Variants in TIAM2 observed in about 807,000 individuals in gnomAD.
The protein encoded by TIAM2 is TIAM Rac1 associated GEF 2.
In TIAM2, 80 loss-of-function variants were observed where a neutral mutation model predicts 152.9. The observed-to-expected ratio is 0.52, with a 90% confidence interval of 0.44 to 0.63. The LOEUF (loss-of-function observed/expected upper bound fraction) is 0.63. Ranked by LOEUF, TIAM2 falls within the 30% of genes least tolerant of loss-of-function variation. TIAM2 has a pLI of 0.00. For synonymous variants in TIAM2, 804 were observed against 838.0 expected (o/e 0.96, Z 0.70); for missense variants, 1,965 against 2,120.1 (o/e 0.93, Z 1.44).
At chr6:155,076,771 C>T (rs1212004920) in intron 1 of TIAM2, among the ~76,000 whole-genome samples, 1 of 152,196 alleles carries the variant, frequency 6.6e-6, no homozygotes, top group East Asian at 1.9e-4. Context: ...TTGTGGCTCA[C>T]TGCAACCTCC....
chr6:155,200,721 G>A (rs2115185358), intron 14 of TIAM2, among the ~76,000 whole-genome samples: 1 of 152,164 alleles, frequency 6.6e-6, no homozygotes, highest in Non-Finnish European at 1.5e-5. Flanking sequence ...TGGCCAATGT[G>A]GTGAAACCCT....
chr6:155,235,411 C>T (rs1782703336), intron 15 of TIAM2, among the ~76,000 whole-genome samples: 1 of 152,192 alleles, frequency 6.6e-6, no homozygotes, highest in South Asian at 2.1e-4. Flanking sequence ...CTCATCTGTG[C>T]TTTTCAGGCC....
intron 2 of TIAM2, among the ~76,000 whole-genome samples, chr6:155,121,584 G>A (rs1224667585): frequency 6.6e-6 from 1 of 152,138 alleles, no homozygotes; most frequent in African/African-American, 2.4e-5. Flanking sequence ...GGTTAAAGCT[G>A]TCCCCGACCC....
At chr6:155,042,874 C>T (rs574703735) in intron 1 of TIAM2, among the ~76,000 whole-genome samples, 9 of 152,192 alleles carry the variant, frequency 5.9e-5, no homozygotes, top group South Asian at 2.1e-4. Context: ...TTACTCCTCC[C>T]GTCTAATTGG....
chr6:155,187,469 C>T (rs1188005774), intron 14 of TIAM2, among the ~76,000 whole-genome samples: 1 of 151,774 alleles, frequency 6.6e-6, no homozygotes, highest in African/African-American at 2.4e-5. Context: ...GCCCAAGACT[C>T]ACCTGCTGAG....
In TIAM2 at chr6:155,000,752, A is replaced by G. The variant is rs1426247156; in HGVS notation, c.-209+5260A>G. 9.9e-5 allele frequency among the ~76,000 whole-genome samples: 15 copies of G among 152,276 alleles called. No individual in the cohort carries two copies. The South Asian group carries it at 3.1e-3, about 32-fold the overall frequency. ...ATAATCCCAGTACTCTGGGAGGCCG[A>G]CGCTGGGGATCACTTGAGGTTGGGA... On this transcript the variant is annotated intron_variant, in intron 1 of 26. Transcript: ENST00000682666.
chr6:155,008,566 G>A (rs747195742), intron 1 of TIAM2, among the ~76,000 whole-genome samples: 1 of 150,740 alleles, frequency 6.6e-6, no homozygotes, highest in Non-Finnish European at 1.5e-5. Flanking sequence ...GTCACTGATA[G>A]TCTAAGGGAC....
intron 1 of TIAM2, among the ~76,000 whole-genome samples, chr6:155,016,669 C>A (rs146977268): frequency 2.0e-5 from 3 of 149,040 alleles, no homozygotes; most frequent in Non-Finnish European, 4.5e-5. Flanking sequence ...GAGGCCAAGG[C>A]GGGTGGATTG....
chr6:155,114,536 T>G (rs977991595), intron 2 of TIAM2, among the ~76,000 whole-genome samples: 1 of 152,136 alleles, frequency 6.6e-6, no homozygotes, highest in East Asian at 1.9e-4. Context: ...TAAGTTATAA[T>G]TATTATTGAA....
chr6:155,256,277 T>C, intron 26 of TIAM2: 1 of 674,854 alleles, frequency 1.5e-6, no homozygotes, highest in Non-Finnish European at 2.5e-6. Flanking sequence ...AAATGCTGAA[T>C]TGCCTAACTT....
intron 2 of TIAM2, among the ~76,000 whole-genome samples, chr6:155,113,037 C>G (rs1461105983): frequency 6.6e-6 from 1 of 152,164 alleles, no homozygotes; most frequent in Non-Finnish European, 1.5e-5. Context: ...TAAAATGTCC[C>G]ATGATGAGCC....
intron 16 of TIAM2, among the ~76,000 whole-genome samples, chr6:155,243,523 T>C (rs577216368): frequency 3.3e-5 from 5 of 152,082 alleles, no homozygotes; most frequent in Non-Finnish European, 7.4e-5. Context: ...TTGAATTAGG[T>C]GAGCAATAAT....
rs143822565 is a variant in TIAM2, at chr6:155,123,639, G to A, written c.-117-3851G>A. On this transcript the variant is annotated intron_variant, in intron 2 of 26. Transcript: ENST00000682666. ...AACTTCCACCTGGGAGTGATTCTGCGGCTTTGAATTCTGGCCTCTTTGTGT... is the reference window on the plus strand; with the variant it reads ...AACTTCCACCTGGGAGTGATTCTGCAGCTTTGAATTCTGGCCTCTTTGTGT... 1.1e-3 allele frequency among the ~76,000 whole-genome samples: 165 copies of A among 152,298 alleles called. 2 individuals are homozygous for A. The East Asian group carries it at 0.014, about 13-fold the overall frequency.
intron 6 of TIAM2, among the ~76,000 whole-genome samples, chr6:155,146,408 G>C (rs762775446): frequency 7.9e-5 from 12 of 152,022 alleles, no homozygotes; most frequent in Non-Finnish European, 1.8e-4. Context: ...AATTTTCCCA[G>C]GTGTTCTGTT....
At chr6:155,099,160 CT>C in intron 2 of TIAM2, among the ~76,000 whole-genome samples, 1 of 152,100 alleles carries the variant, frequency 6.6e-6, no homozygotes, top group Middle Eastern at 3.4e-3. Context: ...GCACTCCAGC[CT>C]GGGCAACAAG....
In TIAM2 at chr6:155,029,455, T is replaced by G. The variant is rs865962866; in HGVS notation, c.-209+33963T>G. On this transcript the variant is annotated intron_variant, in intron 1 of 26. Coordinates refer to ENST00000682666, the MANE Select transcript of TIAM2 (RefSeq NM_012454.4). Reference sequence around the variant, plus strand: ...AGTATATATTATACTATAGTATATATTATATATAATATATACTATAGTATA... The same window carrying G: ...AGTATATATTATACTATAGTATATAGTATATATAATATATACTATAGTATA... Among the ~76,000 whole-genome samples the G allele has an allele frequency of 1.7e-4, 7 of 41,756 alleles. 1 individual carries two copies. Among genetic ancestry groups the G allele is most frequent in the Admixed American group, 1.3e-3 (3 of 2,244 alleles). 27.4% of individuals were successfully genotyped at this position (41,756 alleles called of 152,430 possible).
At chr6:155,069,257 A>G (rs7751471) in intron 1 of TIAM2, among the ~76,000 whole-genome samples, 132,277 of 152,010 alleles carry the variant, frequency 0.87, 57,905 homozygotes, top group Admixed American at 0.92. Flanking sequence ...ACCACGCCTG[A>G]CTAATTTTTG....
intron 9 of TIAM2, among the ~76,000 whole-genome samples, chr6:155,167,223 AT>A (rs111318391): frequency 6.6e-6 from 1 of 151,210 alleles, no homozygotes; most frequent in Admixed American, 6.6e-5. Flanking sequence ...CTTGTAATTA[AT>A]TTTTTTTTCT....
chr6:155,161,746 T>C (rs75713841), intron 7 of TIAM2, among the ~76,000 whole-genome samples: 70,282 of 150,926 alleles, frequency 0.47, 16,828 homozygotes, highest in Middle Eastern at 0.55. Context: ...GTTTTTTTTT[T>C]TTTGTATTTT....
Sources: allele counts gnomAD v4.1 joint callset (sites outside exome capture counted in the v4.1 genomes callset), GRCh38; gene constraint gnomAD v4.1.1; transcripts MANE v1.5; gene names NCBI Gene and HGNC (gene_info 2026-07-23, HGNC 2026-07-21).